NF1: variants seen among roughly 807,000 people sequenced by gnomAD.
NF1 encodes the protein neurofibromin 1, also known as neurofibromin.
In NF1, 122 loss-of-function variants were observed where a neutral mutation model predicts 325.7. The ratio of observed to expected loss-of-function variants is 0.37; its 90% confidence interval spans 0.32 to 0.44. The LOEUF (loss-of-function observed/expected upper bound fraction) is 0.44, where lower values mean the gene tolerates loss of function less well. Ranked by LOEUF, NF1 falls within the 20% of genes least tolerant of loss-of-function variation. NF1 has a pLI of 1.00. For missense variants in NF1, 2,140 were observed against 3,415.4 expected (o/e 0.63, Z 9.31); for synonymous variants, 1,091 against 1,186.0 (o/e 0.92, Z 1.65).
intron 1 of NF1, among the ~76,000 whole-genome samples, chr17:31,100,400 T>C (rs1321127098): frequency 2.6e-5 from 4 of 152,154 alleles, no homozygotes; most frequent in Admixed American, 1.3e-4. Flanking sequence ...TTATAAGGCC[T>C]TATAGTAGTT....
rs1219769237 is a variant in NF1, at chr17:31,188,597, CAACTT to C, written c.888+5933_888+5937del. Among the ~76,000 whole-genome samples the C allele has an allele frequency of 8.9e-4, 135 of 152,198 alleles. 3 individuals are homozygous for C. The highest frequency in any genetic ancestry group is 8.8e-3 in the Admixed American group (135 of 15,284). On this transcript the variant is annotated intron_variant, in intron 8 of 57. Coordinates refer to ENST00000358273, the MANE Select transcript of NF1 (RefSeq NM_001042492.3). ...ACTTGTGATGGTTAATACTAAGTGT[CAACTT>C]GATTGGATTGAAGGATACAAAGTAT...
At chr17:31,105,406 A>G (rs971131778) in intron 1 of NF1, among the ~76,000 whole-genome samples, 1 of 152,228 alleles carries the variant, frequency 6.6e-6, no homozygotes, top group African/African-American at 2.4e-5. Context: ...TCTTTAAACC[A>G]TAGTCTGGCA....
At chr17:31,210,123 G>A (rs1380428599) in intron 12 of NF1, among the ~76,000 whole-genome samples, 1 of 152,184 alleles carries the variant, frequency 6.6e-6, no homozygotes, top group African/African-American at 2.4e-5. Flanking sequence ...AGGTTCTTTA[G>A]TTGTCCTTCT....
chr17:31,348,077 A>G (rs989739336), intron 48 of NF1, among the ~76,000 whole-genome samples: 4 of 93,882 alleles, frequency 4.3e-5, no homozygotes, highest in African/African-American at 1.8e-4. Context: ...TGCATATCAG[A>G]TATATAAATA....
Position 31,232,120 on chromosome 17 carries a change from G to A in NF1, c.3245G>A (p.Gly1082Asp), listed in dbSNP as rs1555614839. Reference sequence around the variant, plus strand: ...GAAGCAGTAGTTTCACTTCTAGCTGGTCTCCCTCTGCAGCCTGAAGAAGGA... The same window carrying A: ...GAAGCAGTAGTTTCACTTCTAGCTGATCTCCCTCTGCAGCCTGAAGAAGGA... ...SMEAVVSLLAGLPLQPEEGDG... is the reference protein window; with the variant it reads ...SMEAVVSLLADLPLQPEEGDG... The change falls in exon 25 of 58, where the codon GGT (glycine) becomes GAT (aspartate). Residue 1082 changes from glycine to aspartate, a missense_variant. Transcript: ENST00000358273. 6.2e-7 allele frequency: 1 copy of A among 1,600,964 alleles called. No individual in the cohort carries two copies. The highest frequency in any genetic ancestry group is 1.7e-5 in the Admixed American group (1 of 58,556).
At chr17:31,337,927 A>AAAATACAGCTATTAAG (rs1282781703) in intron 44 of NF1, 47 bp downstream of exon 44, 1 of 1,566,304 alleles carries the variant, frequency 6.4e-7, no homozygotes, top group Admixed American at 1.7e-5. Context: ...CATATTGTTG[A>AAAATACAGCTATTAAG]AAATACAGCT....
At chr17:31,338,283 A>G (rs1024869086) in intron 45 of NF1, 144 bp downstream of exon 45, 4 of 691,102 alleles carry the variant, frequency 5.8e-6, no homozygotes, top group South Asian at 1.7e-5. Context: ...ATGTATTTTG[A>G]TTATTTATTG....
intron 1 of NF1, among the ~76,000 whole-genome samples, chr17:31,129,798 G>A (rs930738678): frequency 6.6e-6 from 1 of 151,866 alleles, no homozygotes; most frequent in Non-Finnish European, 1.5e-5. Context: ...TGGCTATTTT[G>A]TCTGTCAGCT....
At chr17:31,136,447 A>T (rs1162216978) in intron 1 of NF1, 1 of 152,228 alleles carries the variant, frequency 6.6e-6, no homozygotes, top group Non-Finnish European at 1.5e-5. Context: ...GCAGTCTGAA[A>T]ATGTTAAATG....
At chr17:31,295,707 G>A in intron 36 of NF1, 1 of 1,614,158 alleles carries the variant, frequency 6.2e-7, no homozygotes, top group Non-Finnish European at 8.5e-7. Flanking sequence ...TCAAAAGATT[G>A]GTCTGGAATG....
intron 16 of NF1, among the ~76,000 whole-genome samples, chr17:31,224,167 T>C (rs1411362799): frequency 6.6e-6 from 1 of 152,176 alleles, no homozygotes; most frequent in Non-Finnish European, 1.5e-5. Flanking sequence ...CTTGAAAATA[T>C]CAGGAGACTT....
chr17:31,336,962 T>G lies in NF1; in HGVS notation c.6427+48T>G, dbSNP rs1348948572. 1.3e-6 allele frequency: 2 copies of G among 1,567,638 alleles called. No individual in the cohort carries two copies. Among genetic ancestry groups the G allele is most frequent in the Non-Finnish European group, 1.7e-6 (2 of 1,149,818 alleles). On this transcript the variant is annotated intron_variant, in intron 42 of 57. Transcript: ENST00000358273. This position sits in a 1 kb window ranked among gnomAD's most constrained non-coding sequence, Gnocchi z 5.5. ...GTGTTTACCAGTTCCTTTCTCCATT[T>G]TACTTCACCTGATCAATATAGATTA...
intron 1 of NF1, among the ~76,000 whole-genome samples, chr17:31,132,898 C>T (rs922354408): frequency 6.6e-6 from 1 of 152,090 alleles, no homozygotes; most frequent in Non-Finnish European, 1.5e-5. Flanking sequence ...AACTCCTGAC[C>T]TCAGGTGATC....
chr17:31,155,344 A>G (rs934010868), intron 1 of NF1, among the ~76,000 whole-genome samples: 9 of 151,946 alleles, frequency 5.9e-5, no homozygotes, highest in African/African-American at 1.7e-4. Context: ...CTCATAGAAT[A>G]TTTTTTCTCA....
chr17:31,189,333 CT>C (rs36116260), intron 8 of NF1, among the ~76,000 whole-genome samples: 1 of 151,934 alleles, frequency 6.6e-6, no homozygotes, highest in Non-Finnish European at 1.5e-5. Flanking sequence ...TGTCTCCTAG[CT>C]TTTTTGGTCA....
chr17:31,286,999 G>T (rs112057199), intron 36 of NF1, among the ~76,000 whole-genome samples: 2 of 152,170 alleles, frequency 1.3e-5, no homozygotes, highest in Non-Finnish European at 2.9e-5. Flanking sequence ...GAAAAACTGC[G>T]TTTCCTGGTG....
At chr17:31,346,112 GACGA>G (rs2069975368) in intron 48 of NF1, 1 of 1,611,716 alleles carries the variant, frequency 6.2e-7, no homozygotes, top group African/African-American at 1.3e-5. Context: ...CCGGAACGGA[GACGA>G]ACAAAATCTG....
intron 4 of NF1, among the ~76,000 whole-genome samples, chr17:31,166,666 T>G (rs1242727271): frequency 1.3e-5 from 2 of 152,172 alleles, no homozygotes; most frequent in Non-Finnish European, 2.9e-5. Context: ...TTCTTTGTGC[T>G]GGTAGGTTTT....
chr17:31,103,537 G>A (rs1912559396), intron 1 of NF1, among the ~76,000 whole-genome samples: 1 of 151,882 alleles, frequency 6.6e-6, no homozygotes. Context: ...GAACCACCGT[G>A]CCTGGCCCTA....
Sources: gnomAD v4.1 joint callset for allele counts (sites outside exome capture counted in the v4.1 genomes callset) on GRCh38, gnomAD v4.1.1 for gene constraint, Gnocchi (gnomAD v3.1) non-coding constraint, MANE v1.5 for transcripts, NCBI Gene and HGNC (gene_info 2026-07-23, HGNC 2026-07-21) for gene names.